Variants in LINGO2 observed in about 807,000 individuals in gnomAD.
The protein encoded by LINGO2 is leucine rich repeat and Ig domain containing 2.
Under a neutral mutation model 30.6 loss-of-function variants are expected in LINGO2, and 14 were observed. That is an observed-to-expected ratio of 0.46 (90% CI 0.30 to 0.72). The LOEUF (loss-of-function observed/expected upper bound fraction) is 0.72, where lower values mean the gene tolerates loss of function less well. Among genes scored for constraint, LINGO2 ranks in the 30% least tolerant of loss-of-function variants. The pLI is 0.07. For missense variants in LINGO2, 729 were observed against 751.7 expected, an observed-to-expected ratio of 0.97 and a Z score of 0.35; for synonymous variants, 317 against 288.5, an observed-to-expected ratio of 1.10 and a Z score of -1.00.
At chr9:28,626,996 A>G (rs1826711643) in intron 1 of LINGO2, among the ~76,000 whole-genome samples, 1 of 151,928 alleles carries the variant, frequency 6.6e-6, no homozygotes, top group East Asian at 1.9e-4. Context: ...GGGCTACATC[A>G]CATTTTCCTG....
At chr9:28,543,626 C>G (rs116608502) in intron 1 of LINGO2, among the ~76,000 whole-genome samples, 2,810 of 152,140 alleles carry the variant, frequency 0.018, 79 homozygotes, top group African/African-American at 0.064. Flanking sequence ...ATAAAAAAAT[C>G]TCCTTACTTT....
intron 5 of LINGO2, among the ~76,000 whole-genome samples, chr9:27,977,145 T>C (rs1029384168): frequency 8.6e-5 from 13 of 151,668 alleles, no homozygotes; most frequent in African/African-American, 3.2e-4. Flanking sequence ...CATTCTAAAA[T>C]TTGGGCTTTA....
chr9:28,493,659 G>A (rs552084896), intron 1 of LINGO2, among the ~76,000 whole-genome samples: 2 of 152,250 alleles, frequency 1.3e-5, no homozygotes, highest in South Asian at 4.2e-4. Context: ...TGATTACAGT[G>A]AAGGATGCAA....
At chr9:29,109,511 C>A in the LINGO2 span, among the ~76,000 whole-genome samples, 1 of 152,046 alleles carries the variant, frequency 6.6e-6, no homozygotes, top group East Asian at 1.9e-4. Flanking sequence ...AGGAGGTTTG[C>A]GTAAGTATAA....
At chr9:29,208,625 G>A in the LINGO2 span, among the ~76,000 whole-genome samples, 3 of 151,996 alleles carry the variant, frequency 2.0e-5, no homozygotes, top group South Asian at 2.1e-4. Flanking sequence ...TCTATCAAGC[G>A]CTACATTTAC....
chr9:28,379,924 G>T (rs1384581061), intron 2 of LINGO2, among the ~76,000 whole-genome samples: 2 of 152,026 alleles, frequency 1.3e-5, no homozygotes, highest in Admixed American at 1.3e-4. Context: ...TTTAGCTAGA[G>T]AAATTTGAAG....
the LINGO2 span, among the ~76,000 whole-genome samples, chr9:29,205,708 G>A: frequency 6.6e-6 from 1 of 151,980 alleles, no homozygotes; most frequent in Non-Finnish European, 1.5e-5. Context: ...TTTTTGTTTT[G>A]TGTTTGGGTT....
chr9:29,010,893 A>G, the LINGO2 span, among the ~76,000 whole-genome samples: 1 of 152,122 alleles, frequency 6.6e-6, no homozygotes, highest in East Asian at 1.9e-4. Flanking sequence ...AAAAAGAAAA[A>G]CAAATAAATA....
At chr9:29,000,149 T>A in the LINGO2 span, among the ~76,000 whole-genome samples, 1 of 151,970 alleles carries the variant, frequency 6.6e-6, no homozygotes. Context: ...ATGTCTAATT[T>A]CAGAGTTTTA....
chr9:28,984,466 G>A, the LINGO2 span, among the ~76,000 whole-genome samples: 1 of 151,588 alleles, frequency 6.6e-6, no homozygotes, highest in Non-Finnish European at 1.5e-5. Flanking sequence ...TTGAAAACCT[G>A]TCAATCAAAA....
rs1056286238 is a variant in LINGO2 at position 28,636,679 on chromosome 9, TC to T, written c.-365+33520del. 2.1e-4 allele frequency among the ~76,000 whole-genome samples: 32 copies of T among 152,216 alleles called. 1 individual carries two copies. Among genetic ancestry groups the T allele is most frequent in the African/African-American group, 7.5e-4 (31 of 41,500 alleles). On this transcript the variant is annotated intron_variant, in intron 1 of 5. Coordinates refer to ENST00000379992, the Ensembl canonical transcript of LINGO2. ...CCACTTGTTGATGGGGTTGTTTTTT[TC>T]TTATAAATTTGTTTGACTTCTTTGT...
chr9:28,163,310 T>G (rs561537137), intron 4 of LINGO2, among the ~76,000 whole-genome samples: 1 of 152,256 alleles, frequency 6.6e-6, no homozygotes, highest in African/African-American at 2.4e-5. Context: ...TAGCCAAAAC[T>G]GAGGCAGACG....
the LINGO2 span, among the ~76,000 whole-genome samples, chr9:29,145,018 T>C: frequency 6.6e-6 from 1 of 152,222 alleles, no homozygotes; most frequent in East Asian, 1.9e-4. Flanking sequence ...ACAAAAAGTA[T>C]AATATTGGAT....
the LINGO2 span, among the ~76,000 whole-genome samples, chr9:28,958,559 T>C: frequency 6.6e-6 from 1 of 152,228 alleles, no homozygotes; most frequent in South Asian, 2.1e-4. Flanking sequence ...CCAAGTTGTA[T>C]CTGACAGGTT....
intron 4 of LINGO2, among the ~76,000 whole-genome samples, chr9:28,251,766 A>C (rs949839810): frequency 6.6e-6 from 1 of 152,072 alleles, no homozygotes; most frequent in Non-Finnish European, 1.5e-5. Context: ...TAACAGGTAG[A>C]ATTCAGAGTG....
At chr9:29,084,876 T>C in the LINGO2 span, among the ~76,000 whole-genome samples, 1 of 152,100 alleles carries the variant, frequency 6.6e-6, no homozygotes, top group Admixed American at 6.6e-5. Flanking sequence ...GAGTACCTGC[T>C]CCATAGGAAG....
intron 2 of LINGO2, among the ~76,000 whole-genome samples, chr9:28,413,430 C>T (rs1371909484): frequency 2.0e-5 from 3 of 151,994 alleles, no homozygotes; most frequent in African/African-American, 7.2e-5. Context: ...CACATGTAAC[C>T]ACATGCAAAC....
At chr9:29,016,749 G>A in the LINGO2 span, among the ~76,000 whole-genome samples, 1 of 151,954 alleles carries the variant, frequency 6.6e-6, no homozygotes, top group African/African-American at 2.4e-5. Flanking sequence ...TCTCAAAATG[G>A]CATAATAAAA....
At chr9:28,076,371 A>C (rs1021885210) in intron 4 of LINGO2, among the ~76,000 whole-genome samples, 2 of 152,150 alleles carry the variant, frequency 1.3e-5, no homozygotes, top group Non-Finnish European at 2.9e-5. Context: ...AAAGTTAATC[A>C]GTGTCTTTAA....
Sources: gnomAD v4.1 joint callset for allele counts (sites outside exome capture counted in the v4.1 genomes callset) on GRCh38, gnomAD v4.1.1 for gene constraint, MANE v1.5 for transcripts, NCBI Gene and HGNC (gene_info 2026-07-23, HGNC 2026-07-21) for gene names.